EYS: variants seen among roughly 807,000 people sequenced by gnomAD.
EYS encodes EGF-like photoreceptor maintenance factor.
A neutral mutation model predicts 282.1 loss-of-function variants in EYS; 250 were observed. The observed-to-expected ratio is 0.89, with a 90% CI of 0.80 to 0.98. The LOEUF (loss-of-function observed/expected upper bound fraction) is 0.98, where lower values mean the gene tolerates loss of function less well. EYS is among the 50% of genes least tolerant of loss of function. EYS has a pLI of 0.00. For synonymous variants in EYS, 1,355 were observed against 1,282.9 expected (o/e 1.06, Z -1.20); for missense variants, 4,016 against 3,709.0 (o/e 1.08, Z -2.15).
intron 14 of EYS, among the ~76,000 whole-genome samples, chr6:64,995,995 G>T (rs929938440): frequency 1.3e-5 from 2 of 152,066 alleles, no homozygotes; most frequent in Admixed American, 1.3e-4. Flanking sequence ...TCTTTCTTCT[G>T]TAATAAACTC....
At chr6:65,261,616 TAAG>T (rs1767622579) in intron 12 of EYS, among the ~76,000 whole-genome samples, 1 of 152,050 alleles carries the variant, frequency 6.6e-6, no homozygotes, top group African/African-American at 2.4e-5. Context: ...AGATAAAAAA[TAAG>T]AAGATTGTCA....
chr6:64,133,660 T>C (rs967265681), intron 31 of EYS, among the ~76,000 whole-genome samples: 2 of 152,066 alleles, frequency 1.3e-5, no homozygotes, highest in African/African-American at 2.4e-5. Flanking sequence ...ATTATTCAAT[T>C]ATCAGTTACT....
Position 63,771,682 on chromosome 6 carries a change from G to A in EYS, c.7898+6324C>T, listed in dbSNP as rs554849623. 9.9e-5 allele frequency among the ~76,000 whole-genome samples: 15 copies of A among 152,226 alleles called. No individual in the cohort carries two copies. The South Asian group carries it at 3.1e-3, about 32-fold the overall frequency. On this transcript the variant is annotated intron_variant, in intron 40 of 42. Transcript: ENST00000503581. ...TCTGAGTTATAAAAAGACCACGAGAGAAAAGAGGTTACTCTTAAGCCACAG... is the reference window on the plus strand; with the variant it reads ...TCTGAGTTATAAAAAGACCACGAGAAAAAAGAGGTTACTCTTAAGCCACAG...
chr6:64,858,398 T>G (rs1766132600), intron 19 of EYS, among the ~76,000 whole-genome samples: 1 of 151,966 alleles, frequency 6.6e-6, no homozygotes, highest in Non-Finnish European at 1.5e-5. Context: ...AAAAAATCGC[T>G]TAAGCATAAA....
intron 12 of EYS, among the ~76,000 whole-genome samples, chr6:65,123,317 T>C (rs559495279): frequency 3.3e-5 from 5 of 152,296 alleles, no homozygotes; most frequent in African/African-American, 1.2e-4. Flanking sequence ...AGTTATGTTT[T>C]ATTTTGTGTT....
intron 15 of EYS, among the ~76,000 whole-genome samples, chr6:64,935,749 G>A (rs1273851980): frequency 1.3e-5 from 2 of 151,624 alleles, no homozygotes; most frequent in African/African-American, 2.4e-5. Context: ...ACCACGGAAA[G>A]TAACCCAAAA....
At chr6:65,005,662 G>A (rs1209503332) in intron 13 of EYS, among the ~76,000 whole-genome samples, 1 of 147,608 alleles carries the variant, frequency 6.8e-6, no homozygotes, top group East Asian at 2.1e-4. Flanking sequence ...AGGCTATCTG[G>A]GGAAGGGCTT....
At chr6:63,828,069 C>T (rs149585462) in intron 36 of EYS, among the ~76,000 whole-genome samples, 1,885 of 152,068 alleles carry the variant, frequency 0.012, 27 homozygotes, top group South Asian at 0.053. Flanking sequence ...TCTATCAAAA[C>T]CTCTGGGGTA....
intron 22 of EYS, among the ~76,000 whole-genome samples, chr6:64,762,380 G>A (rs751123120): frequency 1.9e-4 from 29 of 152,076 alleles, no homozygotes; most frequent in African/African-American, 4.6e-4. Context: ...CTGCACAGCC[G>A]TCTGCTAGAG....
intron 22 of EYS, among the ~76,000 whole-genome samples, chr6:64,777,666 A>T (rs1479741597): frequency 6.6e-6 from 1 of 152,090 alleles, no homozygotes; most frequent in Non-Finnish European, 1.5e-5. Context: ...TATAAACTGT[A>T]TGTAATAAAA....
Position 65,266,061 on chromosome 6 carries a change from T to C in EYS, c.2023+29802A>G, listed in dbSNP as rs573075195. On this transcript the variant is annotated intron_variant, in intron 12 of 42. Transcript: ENST00000503581. Reference sequence around the variant, plus strand: ...GCCTTGTAAGTAAGAAATACAGTATTATCCTTCCATATCTCATTCTTGATT... The same window carrying C: ...GCCTTGTAAGTAAGAAATACAGTATCATCCTTCCATATCTCATTCTTGATT... Among the ~76,000 whole-genome samples the C allele has an allele frequency of 7.2e-5, 11 of 152,090 alleles. No homozygotes were observed. In the South Asian group the frequency reaches 2.3e-3, roughly 32 times the overall value.
At chr6:64,412,604 A>T (rs1773938340) in intron 28 of EYS, 1 of 152,174 alleles carries the variant, frequency 6.6e-6, no homozygotes, top group African/African-American at 2.4e-5. Context: ...TAATATACTC[A>T]TTTAAAAATT....
intron 11 of EYS, among the ~76,000 whole-genome samples, chr6:65,299,249 T>G (rs562625054): frequency 6.6e-6 from 1 of 152,292 alleles, no homozygotes; most frequent in South Asian, 2.1e-4. Flanking sequence ...TTTTGCAAAG[T>G]TACTGGTCAT....
At chr6:65,676,697 C>A (rs1297439866) in intron 1 of EYS, among the ~76,000 whole-genome samples, 1 of 151,744 alleles carries the variant, frequency 6.6e-6, no homozygotes, top group Non-Finnish European at 1.5e-5. Context: ...ATACTTCCAA[C>A]ATCATTTTAT....
Position 64,898,572 on chromosome 6 carries a change from A to G in EYS, c.2846+3541T>C, listed in dbSNP as rs576125636. On this transcript the variant is annotated intron_variant, in intron 18 of 42. Coordinates refer to ENST00000503581, the MANE Select transcript of EYS (RefSeq NM_001142800.2). Reference sequence around the variant, plus strand: ...ATGGGCAAAATAACCAGCTAGCATCATAATGACAGGATCAAATTAAACACA... The same window carrying G: ...ATGGGCAAAATAACCAGCTAGCATCGTAATGACAGGATCAAATTAAACACA... Among the ~76,000 whole-genome samples, 132 of 152,174 alleles carry G rather than the reference A, an allele frequency of 8.7e-4. 1 individual carries two copies. In the Middle Eastern group the frequency reaches 0.017, roughly 20 times the overall value.
chr6:64,899,427 C>G (rs759423333), intron 18 of EYS, among the ~76,000 whole-genome samples: 3 of 152,116 alleles, frequency 2.0e-5, no homozygotes, highest in Non-Finnish European at 2.9e-5. Flanking sequence ...GTCAGGTTAT[C>G]TCTGTTTGCA....
At chr6:64,971,703 G>A (rs73437203) in intron 14 of EYS, among the ~76,000 whole-genome samples, 3,469 of 152,194 alleles carry the variant, frequency 0.023, 123 homozygotes, top group African/African-American at 0.078. Flanking sequence ...TAAGCACAAT[G>A]TGTCTAATTC....
At chr6:63,898,183 C>A (rs544901310) in intron 35 of EYS, among the ~76,000 whole-genome samples, 45 of 152,120 alleles carry the variant, frequency 3.0e-4, no homozygotes, top group Non-Finnish European at 5.4e-4. Context: ...CACAGCAGTT[C>A]TGCATAAAAA....
intron 33 of EYS, among the ~76,000 whole-genome samples, chr6:64,026,459 G>A (rs954508733): frequency 6.6e-6 from 1 of 152,094 alleles, no homozygotes; most frequent in African/African-American, 2.4e-5. Flanking sequence ...AGCTCATTTT[G>A]TTTCTGCACT....
Sources: allele counts gnomAD v4.1 joint callset (sites outside exome capture counted in the v4.1 genomes callset), GRCh38; gene constraint gnomAD v4.1.1; transcripts MANE v1.5; gene names NCBI Gene and HGNC (gene_info 2026-07-23, HGNC 2026-07-21).